FXN: variants seen among roughly 807,000 people sequenced by gnomAD.
The protein encoded by FXN is frataxin.
FXN carries 14 observed loss-of-function variants against 22.4 expected under a neutral mutation model. That is an observed-to-expected ratio of 0.62 (90% confidence interval 0.41 to 0.98). The LOEUF (loss-of-function observed/expected upper bound fraction) is 0.98, where lower values mean the gene tolerates loss of function less well. FXN is among the 50% of genes least tolerant of loss of function. FXN has a pLI of 0.00. For synonymous variants in FXN, 120 were observed against 114.1 expected (o/e 1.05, Z -0.33); for missense variants, 267 against 268.4 (o/e 0.99, Z 0.04).
At chr9:69,040,374 A>C (rs2133094215) in intron 1 of FXN, among the ~76,000 whole-genome samples, 1 of 152,334 alleles carries the variant, frequency 6.6e-6, no homozygotes, top group Middle Eastern at 3.4e-3. Flanking sequence ...AGGATATGTA[A>C]ATATTTATAC....
chr9:69,051,041 A>G (rs1429460596), intron 2 of FXN, among the ~76,000 whole-genome samples: 1 of 152,170 alleles, frequency 6.6e-6, no homozygotes, highest in Non-Finnish European at 1.5e-5. Context: ...CGGCCTCCCG[A>G]AGTGCTGGGA....
chr9:69,059,389 A>AGCTTT, intron 3 of FXN, among the ~76,000 whole-genome samples: 1 of 50,052 alleles, frequency 2.0e-5, no homozygotes, highest in South Asian at 9.8e-4. Flanking sequence ...CAGAGGCAGC[A>AGCTTT]TCTTTTTTTT....
chr9:69,053,243 TATG>T lies in FXN; in HGVS notation c.371_373del (p.Asp124del), dbSNP rs1379564220. ...AGACAAGCCATACACGTTTGAGGAC[TATG>T]ATGTCTCCTTTGGGGTACCTCTTGA... On this transcript the variant is annotated inframe_deletion, in exon 3 of 5. Coordinates refer to ENST00000484259, the MANE Select transcript of FXN (RefSeq NM_000144.5). 1 of 1,613,872 alleles carries T rather than the reference TATG, an allele frequency of 6.2e-7. No individual in the cohort carries two copies. The highest frequency in any genetic ancestry group is 8.5e-7 in the Non-Finnish European group (1 of 1,179,866).
intron 2 of FXN, among the ~76,000 whole-genome samples, chr9:69,049,614 A>G (rs1831817351): frequency 6.6e-6 from 1 of 152,208 alleles, no homozygotes; most frequent in Non-Finnish European, 1.5e-5. Context: ...AAAAGCTCTT[A>G]CAAGGATGTT....
intron 2 of FXN, among the ~76,000 whole-genome samples, chr9:69,050,020 TCTAGTCA>T (rs1273488056): frequency 6.6e-6 from 1 of 152,212 alleles, no homozygotes; most frequent in African/African-American, 2.4e-5. Context: ...CCTGCTCACT[TCTAGTCA>T]TTAACCCCTC....
At position 69,073,019 on chromosome 9, in the gene FXN, T is replaced by A. The variant is rs1444646989; in HGVS notation, c.*257T>A. The A allele has an allele frequency of 7.2e-7, 1 of 1,392,248 alleles. No individual in the cohort carries two copies. Among genetic ancestry groups the A allele is most frequent in the African/African-American group, 1.5e-5 (1 of 68,854 alleles). 86.2% of individuals were successfully genotyped at this position (1,392,248 alleles called of 1,614,324 possible). A position where few individuals can be genotyped will look rare whatever the true frequency, so the allele number is the denominator to read the frequency against. On this transcript the variant is annotated 3_prime_UTR_variant, in exon 5 of 5. Transcript: ENST00000484259. ...TCCCTCACATGATACCCCTTATCTT[T>A]TATAATGTCTTATGCCTATACCTGA...
rs10869823 is a variant in FXN, at chr9:69,078,163, C to G, written c.*5401C>G. ...AGATGAGTTTGGAGTCAGGATTTCT[C>G]TGTAAGATTGCCTAGGCTGTGTACT... On this transcript the variant is annotated 3_prime_UTR_variant, in exon 5 of 5. Coordinates refer to ENST00000484259, the MANE Select transcript of FXN (RefSeq NM_000144.5). The G allele has an allele frequency of 0.47, 465,842 of 984,272 alleles. 111,570 individuals carry two copies. Among genetic ancestry groups the G allele is most frequent in the East Asian group, 0.65 (5,685 of 8,788 alleles). 61.0% of individuals were successfully genotyped at this position (984,272 alleles called of 1,614,324 possible).
In FXN at chr9:69,077,499, A is replaced by C; in HGVS notation, c.*4737A>C. The C allele has an allele frequency of 3.0e-6, 3 of 985,396 alleles. No homozygotes were observed. Among genetic ancestry groups the C allele is most frequent in the Non-Finnish European group, 3.6e-6 (3 of 829,944 alleles). 61.0% of individuals were successfully genotyped at this position (985,396 alleles called of 1,614,324 possible). A position where few individuals can be genotyped will look rare whatever the true frequency, so the allele number is the denominator to read the frequency against. ...CCAGCAGTAAAATTGGCTCTCAAAG[A>C]TTTTCTTCTCCTGTGGAAAGTCAGA... On this transcript the variant is annotated 3_prime_UTR_variant, in exon 5 of 5. Coordinates refer to ENST00000484259, the MANE Select transcript of FXN (RefSeq NM_000144.5).
chr9:69,054,409 T>C (rs534151741), intron 3 of FXN, among the ~76,000 whole-genome samples: 8 of 152,362 alleles, frequency 5.3e-5, no homozygotes, highest in Admixed American at 1.3e-4. Flanking sequence ...GGCAAGGGTC[T>C]GCCTTTGGGT....
intron 4 of FXN, among the ~76,000 whole-genome samples, chr9:69,070,558 G>A (rs1554762481): frequency 1.3e-5 from 2 of 152,212 alleles, no homozygotes; most frequent in Non-Finnish European, 2.9e-5. Context: ...GAGGCTCAGG[G>A]AAACACCAGC....
chr9:69,045,543 A>G (rs1224998909), intron 1 of FXN, among the ~76,000 whole-genome samples: 1 of 152,194 alleles, frequency 6.6e-6, no homozygotes, highest in Non-Finnish European at 1.5e-5. Flanking sequence ...CAGTGAGCCG[A>G]GATCGTGCCA....
At chr9:69,061,021 CAT>C (rs1375057519) in intron 3 of FXN, among the ~76,000 whole-genome samples, 1 of 151,928 alleles carries the variant, frequency 6.6e-6, no homozygotes, top group African/African-American at 2.4e-5. Context: ...GAGTGGGTCT[CAT>C]GTGGGGAGGG....
chr9:69,070,779 G>A (rs1832259624), intron 4 of FXN, among the ~76,000 whole-genome samples: 1 of 150,296 alleles, frequency 6.7e-6, no homozygotes, highest in Non-Finnish European at 1.5e-5. Context: ...CTTTCATCTG[G>A]CTGCATTTCT....
chr9:69,077,476 A>C lies in FXN; in HGVS notation c.*4714A>C. 2.0e-6 allele frequency: 2 copies of C among 985,490 alleles called. No individual in the cohort carries two copies. Among genetic ancestry groups the C allele is most frequent in the South Asian group, 9.4e-5 (2 of 21,292 alleles). The allele number at this position is 985,490 out of a possible 1,614,324, so 61.0% of individuals were successfully genotyped here. A position where few individuals can be genotyped will look rare whatever the true frequency, so the allele number is the denominator to read the frequency against. Reference sequence around the variant, plus strand: ...ACAGTTGAGGAAAACATCAGCACCCAGCAGTAAAATTGGCTCTCAAAGATT... The same window carrying C: ...ACAGTTGAGGAAAACATCAGCACCCCGCAGTAAAATTGGCTCTCAAAGATT... On this transcript the variant is annotated 3_prime_UTR_variant, in exon 5 of 5. Transcript: ENST00000484259.
In FXN at chr9:69,078,268, C is replaced by G; in HGVS notation, c.*5506C>G. 1.0e-6 allele frequency: 1 copy of G among 985,376 alleles called. No homozygotes were observed. Among genetic ancestry groups the G allele is most frequent in the Non-Finnish European group, 1.2e-6 (1 of 829,920 alleles). 61.0% of individuals were successfully genotyped at this position (985,376 alleles called of 1,614,324 possible). Reference sequence around the variant, plus strand: ...TGGTGCCACTGACAGTTATGCAAACCGTCCAGAGCATAGCCACCTGATCCT... The same window carrying G: ...TGGTGCCACTGACAGTTATGCAAACGGTCCAGAGCATAGCCACCTGATCCT... On this transcript the variant is annotated 3_prime_UTR_variant, in exon 5 of 5. Transcript: ENST00000484259.
Position 69,075,500 on chromosome 9 carries a change from A to G in FXN, c.*2738A>G. On this transcript the variant is annotated 3_prime_UTR_variant, in exon 5 of 5. Coordinates refer to ENST00000484259, the MANE Select transcript of FXN (RefSeq NM_000144.5). ...TAAATAAAGGGACTTCAAACACATG[A>G]ACAGCAGCCAGGGGAAGAATCAAAA... The G allele has an allele frequency of 1.0e-6, 1 of 984,594 alleles. No individual in the cohort carries two copies. Among genetic ancestry groups the G allele is most frequent in the Non-Finnish European group, 1.2e-6 (1 of 829,412 alleles). 61.0% of individuals were successfully genotyped at this position (984,594 alleles called of 1,614,324 possible). A position where few individuals can be genotyped will look rare whatever the true frequency, so the allele number is the denominator to read the frequency against.
At chr9:69,069,732 G>A (rs1234096686) in intron 4 of FXN, among the ~76,000 whole-genome samples, 2 of 152,238 alleles carry the variant, frequency 1.3e-5, no homozygotes, top group Admixed American at 6.5e-5. Context: ...GATGCTGCCC[G>A]CTCTGCCTGA....
intron 4 of FXN, among the ~76,000 whole-genome samples, chr9:69,067,961 G>A (rs1276743939): frequency 6.6e-6 from 1 of 152,156 alleles, no homozygotes; most frequent in East Asian, 1.9e-4. Flanking sequence ...AAATGACTTA[G>A]CCTCTAGTGT....
intron 3 of FXN, among the ~76,000 whole-genome samples, chr9:69,062,431 A>G (rs1832091535): frequency 1.3e-5 from 2 of 152,328 alleles, no homozygotes; most frequent in South Asian, 4.1e-4. Context: ...AAACTTTTAA[A>G]TAAATGAAAT....
Sources: gnomAD v4.1 joint callset for allele counts (sites outside exome capture counted in the v4.1 genomes callset) on GRCh38, gnomAD v4.1.1 for gene constraint, MANE v1.5 for transcripts, NCBI Gene and HGNC (gene_info 2026-07-23, HGNC 2026-07-21) for gene names.